The following GALNT13 variants were observed in gnomAD, a reference collection of about 807,000 sequenced individuals.
GALNT13 encodes the protein UDP-GalNAc:polypeptide N-acetylgalactosaminyltransferase 13.
In GALNT13, 28 loss-of-function variants were observed where a neutral mutation model predicts 64.2. The ratio of observed to expected loss-of-function variants is 0.44; its 90% confidence interval spans 0.32 to 0.60. GALNT13 has a LOEUF of 0.60. GALNT13 is among the 20% of genes least tolerant of loss of function. The pLI, the probability that GALNT13 is intolerant of heterozygous loss-of-function variation, is 0.05. For missense variants in GALNT13, 577 were observed against 669.8 expected, an observed-to-expected ratio of 0.86 and a Z score of 1.53; for synonymous variants, 214 against 224.6, an observed-to-expected ratio of 0.95 and a Z score of 0.42.
At chr2:154,101,948 A>T (rs1166511097) in intron 3 of GALNT13, among the ~76,000 whole-genome samples, 1 of 151,944 alleles carries the variant, frequency 6.6e-6, no homozygotes, top group Non-Finnish European at 1.5e-5. Flanking sequence ...ACTTTTTTGA[A>T]TTTTAAGAGT....
At chr2:154,402,934 T>C (rs1699362311) in intron 10 of GALNT13, among the ~76,000 whole-genome samples, 1 of 152,166 alleles carries the variant, frequency 6.6e-6, no homozygotes. Flanking sequence ...ATGAGATCCA[T>C]AGTTTCAACT....
intron 3 of GALNT13, among the ~76,000 whole-genome samples, chr2:153,988,543 C>T (rs1447609990): frequency 1.3e-5 from 2 of 151,836 alleles, no homozygotes; most frequent in African/African-American, 4.8e-5. Flanking sequence ...TGTGTATATA[C>T]ACTGCACTTT....
At chr2:153,236,775 C>T in the GALNT13 span, among the ~76,000 whole-genome samples, 13,202 of 152,034 alleles carry the variant, frequency 0.087, 639 homozygotes, top group South Asian at 0.13. Context: ...GCTAACACAA[C>T]GTTCATTCTG....
At chr2:153,170,493 A>T in the GALNT13 span, among the ~76,000 whole-genome samples, 1 of 152,222 alleles carries the variant, frequency 6.6e-6, no homozygotes, top group Non-Finnish European at 1.5e-5. Context: ...TTATAGCCAA[A>T]GTCTGGAACA....
intron 3 of GALNT13, among the ~76,000 whole-genome samples, chr2:154,046,535 T>C (rs1313996315): frequency 6.6e-6 from 1 of 152,158 alleles, no homozygotes; most frequent in East Asian, 1.9e-4. Context: ...TCTGGGCACT[T>C]TAAGCCCCAT....
chr2:154,214,844 G>C (rs1158986860), intron 4 of GALNT13, among the ~76,000 whole-genome samples: 1 of 152,186 alleles, frequency 6.6e-6, no homozygotes, highest in East Asian at 1.9e-4. Flanking sequence ...CCTATTATCA[G>C]TGTGTGTAAT....
intron 12 of GALNT13, among the ~76,000 whole-genome samples, chr2:154,439,295 T>G (rs1052702565): frequency 6.6e-6 from 1 of 152,114 alleles, no homozygotes; most frequent in African/African-American, 2.4e-5. Flanking sequence ...ACCACAAAAT[T>G]ACTGTTGGAA....
chr2:154,095,667 A>G, intron 3 of GALNT13, among the ~76,000 whole-genome samples: 1 of 152,138 alleles, frequency 6.6e-6, no homozygotes, highest in South Asian at 2.1e-4. Flanking sequence ...ATATTTATTC[A>G]GTCTTTACTT....
chr2:153,808,205 A>C, the GALNT13 span, among the ~76,000 whole-genome samples: 1 of 152,106 alleles, frequency 6.6e-6, no homozygotes, highest in African/African-American at 2.4e-5. Context: ...TTCATTCTAT[A>C]CTGAAACTAC....
At chr2:153,244,505 G>A in the GALNT13 span, among the ~76,000 whole-genome samples, 9 of 152,270 alleles carry the variant, frequency 5.9e-5, no homozygotes, top group South Asian at 1.9e-3. Context: ...CACGGAGTGT[G>A]AGCAGAAGCA....
intron 3 of GALNT13, among the ~76,000 whole-genome samples, chr2:154,043,414 TTATATATATATATATATA>T (rs1179722579): frequency 2.0e-4 from 16 of 78,260 alleles, no homozygotes; most frequent in Admixed American, 5.6e-4. Flanking sequence ...ATAAGGACTT[TTATATATATATATATATA>T]TATATATATA....
the GALNT13 span, among the ~76,000 whole-genome samples, chr2:153,648,115 A>T: frequency 6.6e-6 from 1 of 152,248 alleles, no homozygotes; most frequent in East Asian, 1.9e-4. Flanking sequence ...ATGTTCTTCC[A>T]TTTGTTTGTG....
At chr2:153,580,639 T>C in the GALNT13 span, among the ~76,000 whole-genome samples, 2 of 152,308 alleles carry the variant, frequency 1.3e-5, no homozygotes, top group East Asian at 3.9e-4. Context: ...GAAAGGAGTT[T>C]TGCTTTATCT....
At chr2:154,337,160 G>T (rs1412912012) in intron 9 of GALNT13, among the ~76,000 whole-genome samples, 2 of 152,064 alleles carry the variant, frequency 1.3e-5, no homozygotes. Context: ...GAAATGCTTA[G>T]TTAATAATTT....
chr2:153,474,415 G>A, the GALNT13 span, among the ~76,000 whole-genome samples: 2 of 152,278 alleles, frequency 1.3e-5, no homozygotes, highest in East Asian at 3.9e-4. Context: ...TGCATCCAGT[G>A]AGAAGCCAGG....
intron 7 of GALNT13, among the ~76,000 whole-genome samples, chr2:154,255,568 T>C (rs1281543914): frequency 1.3e-5 from 2 of 152,114 alleles, no homozygotes; most frequent in Admixed American, 1.3e-4. Context: ...CAAGCATGAA[T>C]GCTAGACCAC....
At chr2:153,611,828 G>A in the GALNT13 span, among the ~76,000 whole-genome samples, 1 of 151,534 alleles carries the variant, frequency 6.6e-6, no homozygotes, top group African/African-American at 2.4e-5. Flanking sequence ...CACGTATTAG[G>A]TATTTGTCCT....
intron 11 of GALNT13, among the ~76,000 whole-genome samples, chr2:154,414,951 G>A (rs1331216116): frequency 6.6e-6 from 1 of 151,608 alleles, no homozygotes; most frequent in Non-Finnish European, 1.5e-5. Context: ...TCAGATCATA[G>A]TCTTATTAGG....
At chr2:153,350,549 G>A in the GALNT13 span, among the ~76,000 whole-genome samples, 2 of 151,576 alleles carry the variant, frequency 1.3e-5, no homozygotes, top group African/African-American at 4.8e-5. Flanking sequence ...TATCTGGCTG[G>A]TTTTTGTATT....
Sources: allele counts gnomAD v4.1 joint callset (sites outside exome capture counted in the v4.1 genomes callset), GRCh38; gene constraint gnomAD v4.1.1; transcripts MANE v1.5; gene names NCBI Gene and HGNC (gene_info 2026-07-23, HGNC 2026-07-21).